The following STK39 variants were observed in gnomAD, a reference collection of about 807,000 sequenced individuals.
STK39 encodes the protein STE20/SPS1-related proline-alanine-rich protein kinase.
A neutral mutation model predicts 77.8 loss-of-function variants in STK39; 20 were observed. That is an observed-to-expected ratio of 0.26 (90% confidence interval 0.18 to 0.37). STK39 has a LOEUF of 0.37. Ranked by LOEUF, STK39 falls within the 10% of genes least tolerant of loss-of-function variation. The pLI, the probability that STK39 is intolerant of heterozygous loss-of-function variation, is 1.00. For missense variants in STK39, 479 were observed against 656.5 expected (o/e 0.73, Z 2.95); for synonymous variants, 246 against 234.1 (o/e 1.05, Z -0.47).
At position 168,000,637 on chromosome 2, in the gene STK39, GA is replaced by G. The variant is rs775146889; in HGVS notation, c.1498+11996del. 1.2e-3 allele frequency among the ~76,000 whole-genome samples: 184 copies of G among 152,328 alleles called. No individual in the cohort carries two copies. In the Middle Eastern group the frequency reaches 0.017, roughly 14 times the overall value. The stretch of plus-strand genomic sequence containing the variant: ...AGGAATTGATAGTCAACCCTGAAAG[GA>G]AAGTCAGGGCAGTGGTTGAGAAATT... On this transcript the variant is annotated intron_variant, in intron 16 of 17. Coordinates refer to ENST00000355999, the MANE Select transcript of STK39 (RefSeq NM_013233.3).
chr2:168,033,013 G>C (rs934466205), intron 14 of STK39, among the ~76,000 whole-genome samples: 1 of 152,210 alleles, frequency 6.6e-6, no homozygotes, highest in Non-Finnish European at 1.5e-5. Flanking sequence ...CAAGAGATGG[G>C]TCAGAGGAGC....
chr2:168,016,410 A>AC (rs1553514355), intron 15 of STK39, among the ~76,000 whole-genome samples: 1 of 150,442 alleles, frequency 6.6e-6, no homozygotes, highest in Non-Finnish European at 1.5e-5. Context: ...AAAAAAAAAA[A>AC]AAACAACACT....
At chr2:167,998,557 T>G (rs2105293414) in intron 16 of STK39, among the ~76,000 whole-genome samples, 1 of 152,332 alleles carries the variant, frequency 6.6e-6, no homozygotes, top group Non-Finnish European at 1.5e-5. Flanking sequence ...GTACATGAAG[T>G]GAAGGCCCTT....
At chr2:168,089,261 C>G (rs911425139) in intron 10 of STK39, among the ~76,000 whole-genome samples, 1 of 152,212 alleles carries the variant, frequency 6.6e-6, no homozygotes, top group Non-Finnish European at 1.5e-5. Flanking sequence ...AACATTCTCC[C>G]TGCCTTCTTC....
At chr2:168,192,277 C>T (rs1168686431) in intron 1 of STK39, among the ~76,000 whole-genome samples, 4 of 152,040 alleles carry the variant, frequency 2.6e-5, no homozygotes, top group Admixed American at 6.6e-5. Context: ...CAACCCAACA[C>T]CACAAGCAGA....
intron 16 of STK39, among the ~76,000 whole-genome samples, chr2:168,000,553 T>G (rs1210860777): frequency 6.6e-6 from 1 of 152,212 alleles, no homozygotes; most frequent in East Asian, 1.9e-4. Context: ...TCTCATCTTA[T>G]TACTCAATAC....
At chr2:167,998,815 T>A (rs1183672186) in intron 16 of STK39, among the ~76,000 whole-genome samples, 1 of 152,208 alleles carries the variant, frequency 6.6e-6, no homozygotes, top group Non-Finnish European at 1.5e-5. Context: ...TCAGCTTTTA[T>A]TTCTCAAGTC....
At chr2:168,192,314 G>T (rs2105653977) in intron 1 of STK39, among the ~76,000 whole-genome samples, 1 of 152,224 alleles carries the variant, frequency 6.6e-6, no homozygotes, top group South Asian at 2.1e-4. Flanking sequence ...CTGGAGCTTA[G>T]AGGAAATCAC....
At chr2:168,188,490 G>A (rs1462851723) in intron 1 of STK39, among the ~76,000 whole-genome samples, 7 of 152,340 alleles carry the variant, frequency 4.6e-5, no homozygotes, top group Non-Finnish European at 2.9e-5. Flanking sequence ...ACCACAGACT[G>A]TTATTTTGCC....
chr2:168,157,026 G>C (rs1477227124), intron 5 of STK39, among the ~76,000 whole-genome samples: 1 of 152,232 alleles, frequency 6.6e-6, no homozygotes, highest in Non-Finnish European at 1.5e-5. Context: ...GCAGCTATGG[G>C]TGTAAAAACT....
chr2:168,116,551 T>G (rs1687262773), intron 10 of STK39, among the ~76,000 whole-genome samples: 1 of 152,186 alleles, frequency 6.6e-6, no homozygotes, highest in Admixed American at 6.5e-5. Context: ...GAGCCCTGAA[T>G]CTTTGTTAAG....
intron 16 of STK39, among the ~76,000 whole-genome samples, chr2:167,988,065 G>A (rs1463252218): frequency 4.6e-5 from 7 of 152,120 alleles, no homozygotes; most frequent in African/African-American, 7.2e-5. Flanking sequence ...AGATTTGAAC[G>A]CAGGCAGTTT....
intron 1 of STK39, among the ~76,000 whole-genome samples, chr2:168,212,892 A>T (rs1016860614): frequency 1.3e-5 from 2 of 152,168 alleles, no homozygotes; most frequent in African/African-American, 4.8e-5. Flanking sequence ...CCATTTATAC[A>T]TACATCCTTG....
intron 12 of STK39, among the ~76,000 whole-genome samples, chr2:168,070,535 T>C (rs1327993352): frequency 6.6e-6 from 1 of 151,880 alleles, no homozygotes; most frequent in Non-Finnish European, 1.5e-5. Context: ...CATGTTGGTT[T>C]GCTGCACCCA....
Position 168,091,399 on chromosome 2 carries a change from G to C in STK39, c.1090-16168C>G, listed in dbSNP as rs560536290. ...CATTCAAAACTCACAAAAATATAAG[G>C]AGACAAGGAATCCCCTGAATTCCCA... On this transcript the variant is annotated intron_variant, in intron 10 of 17. Coordinates refer to ENST00000355999, the MANE Select transcript of STK39 (RefSeq NM_013233.3). Among the ~76,000 whole-genome samples, 12 of 152,238 alleles carry C rather than the reference G, an allele frequency of 7.9e-5. 3 individuals are homozygous for C. The highest frequency in any genetic ancestry group is 2.6e-4 in the African/African-American group (11 of 41,532).
At chr2:168,227,077 A>G (rs1424628201) in intron 1 of STK39, among the ~76,000 whole-genome samples, 1 of 152,214 alleles carries the variant, frequency 6.6e-6, no homozygotes, top group East Asian at 1.9e-4. Flanking sequence ...GAAGTAAAAT[A>G]CCCAAGTAAT....
At chr2:168,005,722 G>A (rs1559053562) in intron 16 of STK39, among the ~76,000 whole-genome samples, 1 of 152,200 alleles carries the variant, frequency 6.6e-6, no homozygotes, top group East Asian at 1.9e-4. Flanking sequence ...TAAAAACATG[G>A]TTCTCTGGCA....
At chr2:167,955,630 C>A in intron 17 of STK39, 60 bp from the exon 18 acceptor site, 2 of 1,550,316 alleles carry the variant, frequency 1.3e-6, no homozygotes, top group East Asian at 4.6e-5. Flanking sequence ...TTGTTAAAGT[C>A]TTGTTCCTAT....
chr2:168,142,571 C>T (rs949468892), intron 5 of STK39, among the ~76,000 whole-genome samples: 1 of 152,144 alleles, frequency 6.6e-6, no homozygotes, highest in Admixed American at 6.5e-5. Flanking sequence ...ATTTCCACTT[C>T]CTTAAAAATA....
Sources: allele counts gnomAD v4.1 joint callset (sites outside exome capture counted in the v4.1 genomes callset), GRCh38; gene constraint gnomAD v4.1.1; transcripts MANE v1.5; gene names NCBI Gene and HGNC (gene_info 2026-07-23, HGNC 2026-07-21).